NPHP4: variants seen among roughly 807,000 people sequenced by gnomAD.
NPHP4 encodes nephrocystin 4, also known as nephrocystin-4.
In NPHP4, 151 loss-of-function variants were observed where a neutral mutation model predicts 155.8. The observed-to-expected ratio is 0.97, with a 90% CI of 0.85 to 1.11. The LOEUF (loss-of-function observed/expected upper bound fraction) is 1.11. NPHP4 is among the 50% of genes least tolerant of loss of function. NPHP4 has a pLI of 0.00. For missense variants in NPHP4, 1,956 were observed against 1,925.7 expected (o/e 1.02, Z -0.29); for synonymous variants, 845 against 816.8 (o/e 1.03, Z -0.59).
At chr1:5,891,089 T>G in intron 16 of NPHP4, 61 bp from the exon 17 acceptor site, 1 of 1,271,130 alleles carries the variant, frequency 7.9e-7, no homozygotes, top group South Asian at 2.0e-5. Context: ...TCTTTACACT[T>G]GGAAGAGATT....
intron 11 of NPHP4, among the ~76,000 whole-genome samples, chr1:5,911,459 G>A (rs1645176616): frequency 6.6e-6 from 1 of 152,220 alleles, no homozygotes; most frequent in South Asian, 2.1e-4. Context: ...CCGTGCCTGT[G>A]TGCGTCCTCT....
rs894737324 is a variant in NPHP4, at chr1:5,927,702, C to A, written c.1388G>T (p.Ser463Ile). Reference sequence around the variant, plus strand: ...AGGCCGCCGCTCCACTTTGGGGCCACTGACAGGCTCCGTGGGTGCATCCAG... The same window carrying A: ...AGGCCGCCGCTCCACTTTGGGGCCAATGACAGGCTCCGTGGGTGCATCCAG... ...EHLDAPTEPVSGPKVERRPSR... is the reference protein window; with the variant it reads ...EHLDAPTEPVIGPKVERRPSR... Residue 463 changes from serine (S) to isoleucine (I), a missense_variant, in exon 11 of 30, where the codon AGT becomes ATT. Physicochemically the swap from Ser to Ile is moderately radical, Grantham distance 142. Coordinates refer to ENST00000378156, the MANE Select transcript of NPHP4 (RefSeq NM_015102.5). The A allele has an allele frequency of 3.7e-6, 6 of 1,613,444 alleles. No individual in the cohort carries two copies. The highest frequency in any genetic ancestry group is 5.1e-6 in the Non-Finnish European group (6 of 1,179,448).
chr1:5,904,426 G>A (rs944713246), intron 16 of NPHP4, among the ~76,000 whole-genome samples, 191 bp downstream of exon 16: 1 of 152,172 alleles, frequency 6.6e-6, no homozygotes, highest in African/African-American at 2.4e-5. Flanking sequence ...CCCTGGCTTG[G>A]GGGAGGACGC....
At chr1:5,949,590 G>A (rs1028999851) in intron 7 of NPHP4, among the ~76,000 whole-genome samples, 24 of 152,032 alleles carry the variant, frequency 1.6e-4, no homozygotes, top group African/African-American at 4.8e-4. Context: ...CGGGAGGAAC[G>A]CGGGGTGACA....
intron 23 of NPHP4, among the ~76,000 whole-genome samples, chr1:5,868,734 T>A (rs968665285): frequency 1.1e-5 from 1 of 94,112 alleles, no homozygotes; most frequent in Non-Finnish European, 2.4e-5. Context: ...CACGCCCACA[T>A]GCATGCACCC....
intron 6 of NPHP4, among the ~76,000 whole-genome samples, chr1:5,954,811 G>C (rs1422371265): frequency 1.3e-5 from 2 of 152,126 alleles, no homozygotes; most frequent in Non-Finnish European, 2.9e-5. Flanking sequence ...GTAACATTGG[G>C]CTGTGAAAGG....
intron 9 of NPHP4, among the ~76,000 whole-genome samples, chr1:5,940,439 G>A (rs1290013769): frequency 6.6e-6 from 1 of 152,138 alleles, no homozygotes; most frequent in African/African-American, 2.4e-5. Context: ...AGTTACAGCA[G>A]CAGAAAACAG....
At chr1:5,987,646 G>A (rs993892826) in intron 1 of NPHP4, among the ~76,000 whole-genome samples, 13 of 152,112 alleles carry the variant, frequency 8.5e-5, no homozygotes, top group Admixed American at 8.5e-4. Flanking sequence ...GAGTACACAC[G>A]TTCTTAATTT....
Position 5,863,893 on chromosome 1 carries a change from G to C in NPHP4, c.4137C>G (p.Phe1379Leu), listed in dbSNP as rs779992110. The C allele has an allele frequency of 1.2e-6, 2 of 1,613,870 alleles. No individual in the cohort carries two copies. The highest frequency in any genetic ancestry group is 1.7e-6 in the Non-Finnish European group (2 of 1,179,860). Residue 1379 changes from phenylalanine (F) to leucine (L), a missense_variant, in exon 29 of 30, where the codon TTC becomes TTG. Phe to Leu is a conservative substitution (Grantham distance 22). Coordinates refer to ENST00000378156, the MANE Select transcript of NPHP4 (RefSeq NM_015102.5). ...PELLRFREDS[F>L]QVGGGETYTI... ...CCCAGGCACAGCCCCACCACACCTG[G>C]AAGGAGTCCTCTCTGAACCGCAGCA... is the stretch of plus-strand genomic sequence containing the variant.
chr1:5,945,017 C>T (rs1447233628), intron 9 of NPHP4, among the ~76,000 whole-genome samples: 2 of 152,202 alleles, frequency 1.3e-5, no homozygotes, highest in East Asian at 3.8e-4. Context: ...ACCCGCACCC[C>T]AGACGCCCAT....
chr1:5,864,846 A>G (rs1641035561), intron 27 of NPHP4: 1 of 555,450 alleles, frequency 1.8e-6, no homozygotes, highest in Non-Finnish European at 3.2e-6. Context: ...CACTAACACC[A>G]GAGCTCCTGT....
chr1:5,965,778 C>T (rs995113631), intron 5 of NPHP4, among the ~76,000 whole-genome samples: 1 of 152,164 alleles, frequency 6.6e-6, no homozygotes, highest in Non-Finnish European at 1.5e-5. Flanking sequence ...CGATCACCCA[C>T]CGCTCTCCCT....
intron 1 of NPHP4, among the ~76,000 whole-genome samples, chr1:5,990,307 CAA>C (rs1275818698): frequency 1.3e-5 from 2 of 152,134 alleles, no homozygotes; most frequent in Non-Finnish European, 1.5e-5. Context: ...GGGTCTTCAG[CAA>C]AAGTCTTTTA....
rs1483191659 is a variant in NPHP4, at chr1:5,890,983, A to G, written c.2189T>C (p.Leu730Pro). ...AAAGCAGCGCCGCTCACCTGGCTTC[A>G]GGAACCCAGGGCCCACCATGTACCT... is the stretch of plus-strand genomic sequence containing the variant. ...QLRYMVGPGF[L>P]KPGERRCFAR... The change falls in exon 17 of 30, where the codon CTG (leucine) becomes CCG (proline). Residue 730 changes from leucine to proline, a missense_variant. Coordinates refer to ENST00000378156, the MANE Select transcript of NPHP4 (RefSeq NM_015102.5). This position sits in a 1 kb window ranked among gnomAD's most constrained non-coding sequence, Gnocchi z 4.9. The G allele has an allele frequency of 1.9e-6, 3 of 1,584,536 alleles. No individual in the cohort carries two copies. Among genetic ancestry groups the G allele is most frequent in the Non-Finnish European group, 2.6e-6 (3 of 1,157,534 alleles).
At chr1:5,877,912 G>T (rs1642786357) in intron 19 of NPHP4, among the ~76,000 whole-genome samples, 1 of 152,234 alleles carries the variant, frequency 6.6e-6, no homozygotes, top group African/African-American at 2.4e-5. Flanking sequence ...ACAGGGTCAA[G>T]CACTGGCAGG....
rs542521960 is a variant in NPHP4, at chr1:5,944,281, G to A, written c.1119+2823C>T. On this transcript the variant is annotated intron_variant, in intron 9 of 29. Transcript: ENST00000378156. The surrounding 1 kb of genome is among the most constrained non-coding windows in gnomAD (Gnocchi z 4.3). ...AGACAAGGAGGAGGACGCTGCAGCCGGAAGGCACAACCACACCCAGCTGAA... is the reference window on the plus strand; with the variant it reads ...AGACAAGGAGGAGGACGCTGCAGCCAGAAGGCACAACCACACCCAGCTGAA... 6.6e-5 allele frequency among the ~76,000 whole-genome samples: 10 copies of A among 152,278 alleles called. No homozygotes were observed. Among genetic ancestry groups the A allele is most frequent in the East Asian group, 1.9e-4 (1 of 5,172 alleles).
chr1:5,892,604 T>C lies in NPHP4; in HGVS notation c.2144-1576A>G, dbSNP rs2100947566. Among the ~76,000 whole-genome samples the C allele has an allele frequency of 6.6e-6, 1 of 152,140 alleles. No individual in the cohort carries two copies. The highest frequency in any genetic ancestry group is 1.5e-5 in the Non-Finnish European group (1 of 67,956). ...AATGGGGGCCGGTCCAGCGGGGCAC[T>C]GGAAGGAGCTCCCCAGGAGACAAGA... On this transcript the variant is annotated intron_variant, in intron 16 of 29. Coordinates refer to ENST00000378156, the MANE Select transcript of NPHP4 (RefSeq NM_015102.5). The surrounding 1 kb of genome is among the most constrained non-coding windows in gnomAD (Gnocchi z 4.5).
chr1:5,915,327 G>C (rs1233835237), intron 11 of NPHP4, among the ~76,000 whole-genome samples: 1 of 152,182 alleles, frequency 6.6e-6, no homozygotes, highest in Admixed American at 6.5e-5. Context: ...GCAGTCTCTG[G>C]GGTTTGAAGA....
chr1:5,924,821 ATTTGT>A (rs1415862268), intron 11 of NPHP4, among the ~76,000 whole-genome samples: 1 of 151,954 alleles, frequency 6.6e-6, no homozygotes, highest in African/African-American at 2.4e-5. Context: ...CGCATAGCTA[ATTTGT>A]TTTATTTTTA....
Sources: allele counts gnomAD v4.1 joint callset (sites outside exome capture counted in the v4.1 genomes callset), GRCh38; gene constraint gnomAD v4.1.1; non-coding constraint Gnocchi (gnomAD v3.1); transcripts MANE v1.5; gene names NCBI Gene and HGNC (gene_info 2026-07-23, HGNC 2026-07-21).